ABCC11: variants seen among roughly 807,000 people sequenced by gnomAD.
The protein encoded by ABCC11 is ATP binding cassette subfamily C member 11.
Under a neutral mutation model 149.3 loss-of-function variants are expected in ABCC11, and 135 were observed. The ratio of observed to expected loss-of-function variants is 0.90; its 90% CI spans 0.79 to 1.04. The LOEUF (loss-of-function observed/expected upper bound fraction) is 1.04. Among genes scored for constraint, ABCC11 ranks in the 50% least tolerant of loss-of-function variants. ABCC11 has a pLI of 0.00. For synonymous variants in ABCC11, 665 were observed against 671.4 expected (o/e 0.99, Z 0.15); for missense variants, 1,680 against 1,722.1 (o/e 0.98, Z 0.43).
intron 1 of ABCC11, among the ~76,000 whole-genome samples, chr16:48,246,404 G>A (rs1431707629): frequency 6.6e-6 from 1 of 152,160 alleles, no homozygotes. Context: ...TTAGTTCCCT[G>A]TCTAGGCAAG....
rs1306515711 is a variant in ABCC11 at position 48,222,736 on chromosome 16, T to C, written c.639A>G (p.Glu213=). The C allele has an allele frequency of 6.2e-7, 1 of 1,614,170 alleles. No individual in the cohort carries two copies. The highest frequency in any genetic ancestry group is 2.2e-5 in the East Asian group (1 of 44,890). ...AGGAGAAACTCAGAGACTTCACACA[T>C]TCGGAGAGAAAAAGGGCAAAGCAGA... The part of the protein sequence containing the change: ...VGLCFALFLS[E]CVKSLSFSSS... The change falls in exon 6 of 30, where the codon GAA becomes GAG. Residue 213 remains glutamate, a synonymous_variant. Coordinates refer to ENST00000356608, the MANE Select transcript of ABCC11 (RefSeq NM_001370497.1).
chr16:48,205,351 TG>T, intron 13 of ABCC11, 61 bp downstream of exon 13: 1 of 1,601,676 alleles, frequency 6.2e-7, no homozygotes, highest in Non-Finnish European at 8.5e-7. Context: ...CGTTTGAAGC[TG>T]GAGGTGCCCC....
intron 11 of ABCC11, among the ~76,000 whole-genome samples, chr16:48,209,097 G>C (rs1293939190): frequency 6.6e-6 from 1 of 152,170 alleles, no homozygotes; most frequent in Non-Finnish European, 1.5e-5. Flanking sequence ...AGAAAGTTGG[G>C]GGTTGAGGCA....
chr16:48,232,447 G>A (rs755266523), intron 1 of ABCC11, among the ~76,000 whole-genome samples: 3 of 152,190 alleles, frequency 2.0e-5, no homozygotes, highest in Non-Finnish European at 4.4e-5. Context: ...GGACACATAT[G>A]TGAATGAAAG....
In ABCC11 at chr16:48,218,349, A is replaced by G. The variant is rs1453067311; in HGVS notation, c.778-2062T>C. ...GTAGGCAATCTTGGGTCCTAGAGCT[A>G]AACTGTCAGAGCTCATGCCCCAGAC... is the stretch of plus-strand genomic sequence containing the variant. On this transcript the variant is annotated intron_variant, in intron 6 of 29. Transcript: ENST00000356608. Among the ~76,000 whole-genome samples, 3 of 152,150 alleles carry G rather than the reference A, an allele frequency of 2.0e-5. No individual in the cohort carries two copies. In the East Asian group the frequency reaches 5.8e-4, roughly 29 times the overall value.
chr16:48,192,170 G>T (rs1227131750), intron 20 of ABCC11, among the ~76,000 whole-genome samples: 1 of 152,018 alleles, frequency 6.6e-6, no homozygotes, highest in Non-Finnish European at 1.5e-5. Context: ...TAGGCCGGGG[G>T]TGGTGGCTCA....
chr16:48,202,088 T>C (rs1968034320), intron 14 of ABCC11, among the ~76,000 whole-genome samples: 1 of 152,196 alleles, frequency 6.6e-6, no homozygotes, highest in Non-Finnish European at 1.5e-5. Context: ...CATCAAACAC[T>C]ATTCAATGCC....
At chr16:48,205,392 T>C in intron 13 of ABCC11, 21 bp downstream of exon 13, 1 of 1,614,026 alleles carries the variant, frequency 6.2e-7, no homozygotes, top group South Asian at 1.1e-5. Context: ...GTACTCTCCC[T>C]TTCCCCTCCC....
rs1477817894 is a variant in ABCC11, at chr16:48,166,891, G to C, written c.*383C>G. The C allele has an allele frequency of 5.9e-6, 1 of 169,554 alleles. No individual in the cohort carries two copies. Among genetic ancestry groups the C allele is most frequent in the African/African-American group, 2.4e-5 (1 of 41,688 alleles). The allele number at this position is 169,554 out of a possible 1,614,324, so 10.5% of individuals were successfully genotyped here. ...AAAAACAAAAAGAAAAGAAACGAAA[G>C]GAAGCAGAACAAAGAAAGTGAGTTT... On this transcript the variant is annotated 3_prime_UTR_variant, in exon 30 of 30. Transcript: ENST00000356608.
chr16:48,194,705 C>G (rs191755636), intron 18 of ABCC11, among the ~76,000 whole-genome samples: 406 of 152,254 alleles, frequency 2.7e-3, no homozygotes, highest in Non-Finnish European at 4.9e-3. Context: ...TGTAAGGATA[C>G]AACATTTATC....
chr16:48,237,778 T>C (rs1970759512), intron 1 of ABCC11, among the ~76,000 whole-genome samples: 1 of 152,178 alleles, frequency 6.6e-6, no homozygotes, highest in Non-Finnish European at 1.5e-5. Context: ...TCAAACACCC[T>C]AAATTCATTC....
At chr16:48,213,421 A>G in intron 10 of ABCC11, 22 bp downstream of exon 10, 1 of 1,596,572 alleles carries the variant, frequency 6.3e-7, no homozygotes, top group Non-Finnish European at 8.6e-7. Flanking sequence ...GGGGGCCTAC[A>G]GCCAGTCCCC....
intron 7 of ABCC11, 53 bp downstream of exon 7, chr16:48,216,061 G>T: frequency 1.3e-6 from 2 of 1,561,718 alleles, no homozygotes; most frequent in Non-Finnish European, 1.8e-6. Context: ...AGATTCCAGA[G>T]CCCTGGGACT....
chr16:48,211,932 G>A (rs558106578), intron 10 of ABCC11, among the ~76,000 whole-genome samples: 13 of 152,282 alleles, frequency 8.5e-5, no homozygotes, highest in Middle Eastern at 3.4e-3. Flanking sequence ...CTGGAGATAT[G>A]CTTAAGAGAT....
intron 14 of ABCC11, 86 bp downstream of exon 14, chr16:48,203,142 G>T: frequency 2.2e-6 from 3 of 1,362,448 alleles, no homozygotes; most frequent in East Asian, 2.5e-5. Flanking sequence ...GAAGAGCTGG[G>T]ATTCCTCCCT....
At position 48,227,961 on chromosome 16, in the gene ABCC11, A is replaced by C; in HGVS notation, c.240T>G (p.Phe80Leu). The C allele has an allele frequency of 2.5e-6, 4 of 1,611,602 alleles. No individual in the cohort carries two copies. The highest frequency in any genetic ancestry group is 3.4e-6 in the Non-Finnish European group (4 of 1,178,704). ...TMIPFRPKPR[F>L]PAPQPLDNAG... Reference sequence around the variant, plus strand: ...CATTGTCCAGGGGCTGGGGGGCAGGAAACCTAGTAGAGGGGCCACAAGGAT... The same window carrying C: ...CATTGTCCAGGGGCTGGGGGGCAGGCAACCTAGTAGAGGGGCCACAAGGAT... Residue 80 changes from phenylalanine (F) to leucine (L), a missense_variant, in exon 4 of 30, where the codon TTT becomes TTG. Transcript: ENST00000356608.
intron 17 of ABCC11, among the ~76,000 whole-genome samples, chr16:48,197,302 C>T (rs1967514731): frequency 1.1e-3 from 1 of 882 alleles, no homozygotes; most frequent in Non-Finnish European, 5.8e-3. Flanking sequence ...CCTGCCTGGG[C>T]AACGGACCAA....
rs1965990768 is a variant in ABCC11, at chr16:48,175,421, T to C, written c.3539-4A>G. The C allele has an allele frequency of 6.2e-7, 1 of 1,602,804 alleles. No homozygotes were observed. The highest frequency in any genetic ancestry group is 8.5e-7 in the Non-Finnish European group (1 of 1,170,924). On this transcript the variant is annotated splice_polypyrimidine_tract_variant and splice_region_variant and intron_variant, in intron 25 of 29. Coordinates refer to ENST00000356608, the MANE Select transcript of ABCC11 (RefSeq NM_001370497.1). ...GCCATGCCCAAGGAGGACTTCCCTG[T>C]GGGGCAAGAAACAAGCGGGGCCTCA...
chr16:48,218,461 T>A (rs1027249913), intron 6 of ABCC11, among the ~76,000 whole-genome samples: 1 of 152,176 alleles, frequency 6.6e-6, no homozygotes, highest in African/African-American at 2.4e-5. Context: ...GAAATAATAA[T>A]ACAACCTACT....
Sources: gnomAD v4.1 joint callset for allele counts (sites outside exome capture counted in the v4.1 genomes callset) on GRCh38, gnomAD v4.1.1 for gene constraint, MANE v1.5 for transcripts, NCBI Gene and HGNC (gene_info 2026-07-23, HGNC 2026-07-21) for gene names.